NDRG4: variants seen among roughly 807,000 people sequenced by gnomAD.
NDRG4 encodes the protein protein NDRG4.
NDRG4 carries 38 observed loss-of-function variants against 55.8 expected under a neutral mutation model. The ratio of observed to expected loss-of-function variants is 0.68; its 90% CI spans 0.53 to 0.89. NDRG4 has a LOEUF of 0.89. Ranked by LOEUF, NDRG4 falls within the 40% of genes least tolerant of loss-of-function variation. The probability of loss-of-function intolerance (pLI) is 0.00; values close to 1 mark genes in which losing one functional copy is unlikely to be tolerated. For synonymous variants in NDRG4, 190 were observed against 182.7 expected (o/e 1.04, Z -0.32); for missense variants, 455 against 468.6 (o/e 0.97, Z 0.27).
intron 13 of NDRG4, among the ~76,000 whole-genome samples, chr16:58,509,910 T>A (rs2038562526): frequency 6.6e-6 from 1 of 151,870 alleles, no homozygotes; most frequent in Non-Finnish European, 1.5e-5. Context: ...AAAATCTGGG[T>A]CTGGGGTGGA....
At chr16:58,506,769 A>C in intron 7 of NDRG4, 143 bp from the exon 8 acceptor site, 1 of 1,148,354 alleles carries the variant, frequency 8.7e-7, no homozygotes, top group Non-Finnish European at 1.3e-6. Context: ...AAGGCCCCAC[A>C]CCTCCTACCT....
intron 1 of NDRG4, among the ~76,000 whole-genome samples, chr16:58,473,778 C>T (rs555118336): frequency 2.0e-5 from 3 of 152,244 alleles, no homozygotes; most frequent in African/African-American, 4.8e-5. Context: ...CCATTTCCAC[C>T]CTAACCCCCA....
At chr16:58,494,518 TAGCCCTGTGAC>T (rs1374802118) in intron 2 of NDRG4, among the ~76,000 whole-genome samples, 1 of 152,168 alleles carries the variant, frequency 6.6e-6, no homozygotes, top group East Asian at 1.9e-4. Context: ...CAGCACTTTC[TAGCCCTGTGAC>T]AGCCTCTCTG....
At chr16:58,480,623 G>A (rs2034277450) in intron 1 of NDRG4, among the ~76,000 whole-genome samples, 1 of 152,194 alleles carries the variant, frequency 6.6e-6, no homozygotes, top group Non-Finnish European at 1.5e-5. Flanking sequence ...GGCTTCTGTG[G>A]ACAGGTCAGC....
chr16:58,480,003 G>A (rs545512396), intron 1 of NDRG4, among the ~76,000 whole-genome samples: 427 of 152,286 alleles, frequency 2.8e-3, no homozygotes, highest in Non-Finnish European at 4.4e-3. Context: ...AGGGGATTTC[G>A]GCAAACCTGG....
intron 1 of NDRG4, 158 bp downstream of exon 1, chr16:58,500,427 C>G: frequency 9.9e-7 from 1 of 1,011,350 alleles, no homozygotes; most frequent in South Asian, 1.7e-5. Context: ...CCAGAGTGCT[C>G]CAGGTTCCCT....
At chr16:58,511,345 C>T in intron 14 of NDRG4, 77 bp from the exon 15 acceptor site, 2 of 1,478,226 alleles carry the variant, frequency 1.4e-6, no homozygotes, top group African/African-American at 1.4e-5. Context: ...GGCCGCTTTG[C>T]TTGCAGCCTA....
At chr16:58,506,133 C>CGTGTGTGTGTGTGTGTGAGTGT (rs2037940074) in intron 5 of NDRG4, 1 of 465,762 alleles carries the variant, frequency 2.1e-6, no homozygotes, top group Non-Finnish European at 3.9e-6. Context: ...GTTGAAAGAG[C>CGTGTGTGTGTGTGTGTGAGTGT]GTGTGTGTGT....
chr16:58,492,085 T>C (rs1241641750), intron 2 of NDRG4, among the ~76,000 whole-genome samples: 1 of 152,224 alleles, frequency 6.6e-6, no homozygotes, highest in Non-Finnish European at 1.5e-5. Context: ...CCTGGCACCC[T>C]GTTCACTTTT....
At chr16:58,466,326 GT>G (rs1427741695) in intron 1 of NDRG4, among the ~76,000 whole-genome samples, 2 of 152,198 alleles carry the variant, frequency 1.3e-5, no homozygotes, top group African/African-American at 2.4e-5. Flanking sequence ...CCCACCATGG[GT>G]TTTTAGAGCT....
chr16:58,501,356 A>C (rs1020479509), intron 1 of NDRG4: 8 of 336,420 alleles, frequency 2.4e-5, no homozygotes, highest in Admixed American at 1.4e-4. Flanking sequence ...GTCACAGGCG[A>C]GGGGAGACGG....
intron 1 of NDRG4, chr16:58,475,697 C>T (rs1355331173): frequency 2.2e-6 from 1 of 454,686 alleles, no homozygotes; most frequent in East Asian, 7.0e-5. Context: ...ACTATGCCAC[C>T]TTTAGAATCC....
At position 58,465,607 on chromosome 16, in the gene NDRG4, G is replaced by T. The variant is rs371263373; in HGVS notation, c.-24+1810G>T. On this transcript the variant is annotated intron_variant, in intron 1 of 15. Coordinates refer to the NDRG4 transcript ENST00000258187. ...ACGTTGGGTGAGGTTTTATTAAATC[G>T]GCAGTAGCAGGCCAGGCGCAGTGGC... Among the ~76,000 whole-genome samples the T allele has an allele frequency of 5.1e-4, 78 of 152,034 alleles. No homozygotes were observed. The South Asian group carries it at 0.015, about 29-fold the overall frequency.
chr16:58,502,023 CT>C (rs1451210101), intron 1 of NDRG4: 1 of 455,978 alleles, frequency 2.2e-6, no homozygotes, highest in South Asian at 1.5e-5. Context: ...AAAGGGCTGC[CT>C]GGTCAGGAGC....
chr16:58,508,016 G>T lies in NDRG4; in HGVS notation c.729+17G>T. ...GACGGGGTGGTAAGTGAGGGGCTGTGGGCTCACTGGGGGTGGGAGGTAGGG... is the reference window on the plus strand; with the variant it reads ...GACGGGGTGGTAAGTGAGGGGCTGTTGGCTCACTGGGGGTGGGAGGTAGGG... On this transcript the variant is annotated intron_variant, in intron 10 of 14. Coordinates refer to ENST00000570248, the MANE Select transcript of NDRG4 (RefSeq NM_001242835.2). 6.5e-7 allele frequency: 1 copy of T among 1,539,386 alleles called. No individual in the cohort carries two copies. Among genetic ancestry groups the T allele is most frequent in the Non-Finnish European group, 8.8e-7 (1 of 1,137,398 alleles).
chr16:58,507,264 A>G, intron 8 of NDRG4: 1 of 540,778 alleles, frequency 1.8e-6, no homozygotes, highest in Non-Finnish European at 3.3e-6. Flanking sequence ...CCCGCTTGGG[A>G]ATGTTGGGGG....
At chr16:58,506,181 C>T (rs1232351102) in intron 5 of NDRG4, 6 of 604,152 alleles carry the variant, frequency 9.9e-6, no homozygotes, top group Non-Finnish European at 1.8e-5. Context: ...GGGGTGGAAA[C>T]AATGATAGAG....
intron 1 of NDRG4, chr16:58,500,941 T>G (rs2036999315): frequency 5.1e-6 from 6 of 1,182,800 alleles, no homozygotes; most frequent in Non-Finnish European, 6.4e-6. Flanking sequence ...CAGGGGTCCC[T>G]GCTGGGGAGG....
At chr16:58,480,695 G>A (rs879701832) in intron 1 of NDRG4, among the ~76,000 whole-genome samples, 9 of 152,186 alleles carry the variant, frequency 5.9e-5, no homozygotes, top group Non-Finnish European at 1.3e-4. Flanking sequence ...TGTGTGTTTG[G>A]ACTCTGATAG....
Sources: gnomAD v4.1 joint callset for allele counts (sites outside exome capture counted in the v4.1 genomes callset) on GRCh38, gnomAD v4.1.1 for gene constraint, MANE v1.5 for transcripts, NCBI Gene and HGNC (gene_info 2026-07-23, HGNC 2026-07-21) for gene names.